Variants in LIN7A observed in about 807,000 individuals in gnomAD.
LIN7A encodes the protein lin-7 cell polarity scaffold A.
A neutral mutation model predicts 29.8 loss-of-function variants in LIN7A; 25 were observed. That is an observed-to-expected ratio of 0.84 (90% confidence interval 0.61 to 1.17). The LOEUF (loss-of-function observed/expected upper bound fraction) is 1.17, where lower values mean the gene tolerates loss of function less well. Among genes scored for constraint, LIN7A ranks in the 50% most tolerant of loss-of-function variants. The probability of loss-of-function intolerance (pLI) is 0.00; values close to 1 mark genes in which losing one functional copy is unlikely to be tolerated. For synonymous variants in LIN7A, 118 were observed against 107.5 expected (o/e 1.10, Z -0.60); for missense variants, 239 against 287.0 (o/e 0.83, Z 1.21).
At chr12:80,932,036 G>C (rs1470386379) in intron 1 of LIN7A, among the ~76,000 whole-genome samples, 1 of 152,202 alleles carries the variant, frequency 6.6e-6, no homozygotes, top group Admixed American at 6.5e-5. Context: ...CCCCTCTGGA[G>C]TGTAAGCAAA....
intron 2 of LIN7A, among the ~76,000 whole-genome samples, chr12:80,878,547 G>A (rs1249434936): frequency 6.6e-6 from 1 of 152,166 alleles, no homozygotes; most frequent in Non-Finnish European, 1.5e-5. Context: ...CCCAAAGAGT[G>A]AGCAGCAGCA....
intron 2 of LIN7A, among the ~76,000 whole-genome samples, chr12:80,882,302 T>TTTTTTTTTTTTTTTTTTTTTTTTTTTTG (rs1875093732): frequency 1.7e-5 from 2 of 116,050 alleles, no homozygotes; most frequent in Admixed American, 8.4e-5. Flanking sequence ...TTTTTTTTTT[T>TTTTTTTTTTTTTTTTTTTTTTTTTTTTG]GAGACGGAGT....
chr12:80,912,625 G>A (rs540426567), intron 1 of LIN7A, among the ~76,000 whole-genome samples: 4 of 150,196 alleles, frequency 2.7e-5, no homozygotes, highest in Admixed American at 1.3e-4. Context: ...TGAGGCAGGC[G>A]AATCCCTTGA....
intron 1 of LIN7A, among the ~76,000 whole-genome samples, chr12:80,902,745 T>C (rs1227709030): frequency 6.6e-6 from 1 of 152,088 alleles, no homozygotes; most frequent in Non-Finnish European, 1.5e-5. Flanking sequence ...CATTTATGAG[T>C]TCTAGGAGAC....
intron 3 of LIN7A, 81 bp downstream of exon 3, chr12:80,848,170 G>A: frequency 9.8e-7 from 1 of 1,023,202 alleles, no homozygotes; most frequent in Non-Finnish European, 1.5e-6. Context: ...GTACACACGA[G>A]AATACCTGAA....
At chr12:80,879,551 A>C (rs1874909994) in intron 2 of LIN7A, among the ~76,000 whole-genome samples, 1 of 145,644 alleles carries the variant, frequency 6.9e-6, no homozygotes, top group Non-Finnish European at 1.5e-5. Context: ...TTCAATGAGA[A>C]GGCTGTTTTA....
intron 1 of LIN7A, among the ~76,000 whole-genome samples, chr12:80,895,428 T>C (rs1392243357): frequency 6.6e-6 from 1 of 152,236 alleles, no homozygotes; most frequent in East Asian, 1.9e-4. Context: ...ATTTGACTTA[T>C]GACGCATCCA....
intron 5 of LIN7A, 52 bp downstream of exon 5, chr12:80,811,413 G>GTATATATACATATATA: frequency 2.9e-6 from 2 of 700,776 alleles, no homozygotes; most frequent in Non-Finnish European, 2.6e-6. Context: ...ACATATATGT[G>GTATATATACATATATA]TGTGTGTATA....
At chr12:80,877,206 G>A (rs1874755969) in intron 2 of LIN7A, among the ~76,000 whole-genome samples, 1 of 151,644 alleles carries the variant, frequency 6.6e-6, no homozygotes, top group Admixed American at 6.6e-5. Flanking sequence ...AGAAGCCTTG[G>A]TCATCTAACC....
intron 4 of LIN7A, among the ~76,000 whole-genome samples, chr12:80,817,532 G>A (rs9788209): frequency 2.0e-5 from 3 of 152,144 alleles, no homozygotes; most frequent in African/African-American, 4.8e-5. Context: ...CTACAGCCAG[G>A]TTTATGCATA....
chr12:80,817,782 G>A (rs1048254534), intron 4 of LIN7A, among the ~76,000 whole-genome samples: 11 of 152,054 alleles, frequency 7.2e-5, no homozygotes, highest in African/African-American at 2.2e-4. Flanking sequence ...TTATAAGTCC[G>A]TTAGTTGTAG....
chr12:80,928,154 G>T (rs368046777), intron 1 of LIN7A, among the ~76,000 whole-genome samples: 1 of 152,122 alleles, frequency 6.6e-6, no homozygotes. Context: ...TGTGAATAGT[G>T]CTGCAATAAA....
intron 1 of LIN7A, among the ~76,000 whole-genome samples, chr12:80,891,977 A>C (rs1875650152): frequency 6.6e-6 from 1 of 152,182 alleles, no homozygotes; most frequent in Non-Finnish European, 1.5e-5. Context: ...TGGGTGTTTA[A>C]GGCCATATAA....
intron 2 of LIN7A, among the ~76,000 whole-genome samples, chr12:80,862,801 T>C (rs944325161): frequency 6.6e-6 from 1 of 152,206 alleles, no homozygotes; most frequent in Non-Finnish European, 1.5e-5. Context: ...AGGCAGAGCA[T>C]TGCCTTGTTC....
intron 1 of LIN7A, among the ~76,000 whole-genome samples, chr12:80,910,804 C>G (rs908289580): frequency 1.3e-5 from 2 of 152,216 alleles, no homozygotes; most frequent in East Asian, 3.9e-4. Flanking sequence ...GTTAGCCACT[C>G]GTACATTCAT....
intron 4 of LIN7A, among the ~76,000 whole-genome samples, chr12:80,820,759 T>C (rs1871764706): frequency 6.6e-6 from 1 of 152,164 alleles, no homozygotes; most frequent in African/African-American, 2.4e-5. Flanking sequence ...ATCAGTCTAC[T>C]AATTCTTGAG....
intron 1 of LIN7A, among the ~76,000 whole-genome samples, chr12:80,895,109 G>A (rs1875818544): frequency 6.6e-6 from 1 of 152,168 alleles, no homozygotes; most frequent in African/African-American, 2.4e-5. Context: ...TGGGTAAACA[G>A]TTATAACACT....
chr12:80,930,533 G>A (rs755602940), intron 1 of LIN7A, among the ~76,000 whole-genome samples: 93 of 152,132 alleles, frequency 6.1e-4, no homozygotes, highest in African/African-American at 2.0e-3. Flanking sequence ...ATTGAAAAGC[G>A]TAGCTTATAT....
At chr12:80,899,125 A>G (rs891894757) in intron 1 of LIN7A, among the ~76,000 whole-genome samples, 4 of 152,030 alleles carry the variant, frequency 2.6e-5, no homozygotes, top group African/African-American at 7.2e-5. Flanking sequence ...TTTTTCATAG[A>G]TGGCTCTTAT....
Sources: allele counts gnomAD v4.1 joint callset (sites outside exome capture counted in the v4.1 genomes callset), GRCh38; gene constraint gnomAD v4.1.1; transcripts MANE v1.5; gene names NCBI Gene and HGNC (gene_info 2026-07-23, HGNC 2026-07-21).